Variants in PLCB4 observed in about 807,000 individuals in gnomAD.
PLCB4 encodes the protein 1-phosphatidylinositol 4,5-bisphosphate phosphodiesterase beta-4.
Under a neutral mutation model 178.8 loss-of-function variants are expected in PLCB4, and 77 were observed. The observed-to-expected ratio is 0.43, with a 90% CI of 0.36 to 0.52. PLCB4 has a LOEUF of 0.52. Among genes scored for constraint, PLCB4 ranks in the 20% least tolerant of loss-of-function variants. The pLI, the probability that PLCB4 is intolerant of heterozygous loss-of-function variation, is 0.00. For synonymous variants in PLCB4, 496 were observed against 490.8 expected, an observed-to-expected ratio of 1.01 and a Z score of -0.14; for missense variants, 1,024 against 1,453.4, an observed-to-expected ratio of 0.70 and a Z score of 4.80.
intron 3 of PLCB4, among the ~76,000 whole-genome samples, chr20:9,251,621 G>A (rs2094181324): frequency 6.6e-6 from 1 of 152,064 alleles, no homozygotes; most frequent in Admixed American, 6.6e-5. Context: ...AAAGGACTTT[G>A]TTCTTATGTG....
Position 9,194,977 on chromosome 20 carries a change from T to C in PLCB4, c.-78-22413T>C, listed in dbSNP as rs371659146. Among the ~76,000 whole-genome samples, 5 of 152,200 alleles carry C rather than the reference T, an allele frequency of 3.3e-5. No homozygotes were observed. In the East Asian group the frequency reaches 7.7e-4, roughly 23 times the overall value. ...ATGGATCAGACTGTAAGCTTTTACT[T>C]TACTAAGTGAGGCGATGGCAAGATT... On this transcript the variant is annotated intron_variant, in intron 2 of 39. Transcript: ENST00000378473.
intron 29 of PLCB4, 102 bp from the exon 30 acceptor site, chr20:9,436,900 G>A (rs566526388): frequency 1.9e-5 from 20 of 1,068,982 alleles, no homozygotes; most frequent in South Asian, 1.2e-4. Context: ...AGTCTAGGAA[G>A]AGTATGGTAG....
chr20:9,404,087 G>T (rs571310297), intron 20 of PLCB4, among the ~76,000 whole-genome samples: 11 of 152,242 alleles, frequency 7.2e-5, no homozygotes, highest in Admixed American at 3.3e-4. Flanking sequence ...TTTCTTTTTC[G>T]GATGAATGAA....
intron 28 of PLCB4, among the ~76,000 whole-genome samples, chr20:9,435,316 G>T (rs6140937): frequency 6.6e-6 from 1 of 152,150 alleles, no homozygotes; most frequent in African/African-American, 2.4e-5. Context: ...CTTCATATCA[G>T]GAAAAACTTT....
At chr20:9,268,908 C>T (rs747406286) in intron 3 of PLCB4, among the ~76,000 whole-genome samples, 5 of 152,152 alleles carry the variant, frequency 3.3e-5, no homozygotes, top group African/African-American at 7.2e-5. Flanking sequence ...GACCCTTATC[C>T]TCATTGTTGC....
intron 3 of PLCB4, among the ~76,000 whole-genome samples, chr20:9,282,781 G>A (rs1181591048): frequency 6.6e-6 from 1 of 152,004 alleles, no homozygotes; most frequent in Non-Finnish European, 1.5e-5. Context: ...GCTCAGGTTG[G>A]ATAACCTAGG....
intron 23 of PLCB4, 148 bp from the exon 24 acceptor site, chr20:9,408,909 C>T (rs763967757): frequency 2.6e-6 from 2 of 777,368 alleles, no homozygotes; most frequent in Non-Finnish European, 4.3e-6. Flanking sequence ...GAACTGTGAT[C>T]TTAAGCATCA....
chr20:9,305,677 T>A (rs1477125254), intron 3 of PLCB4, among the ~76,000 whole-genome samples: 2 of 152,194 alleles, frequency 1.3e-5, no homozygotes, highest in Non-Finnish European at 2.9e-5. Context: ...ATACATTAAA[T>A]TTTTCAGAGT....
At position 9,270,786 on chromosome 20, in the gene PLCB4, G is replaced by A. The variant is rs574208857; in HGVS notation, c.-15-37014G>A. 5.9e-5 allele frequency among the ~76,000 whole-genome samples: 9 copies of A among 151,982 alleles called. No homozygotes were observed. In the South Asian group the frequency reaches 1.7e-3, roughly 28 times the overall value. On this transcript the variant is annotated intron_variant, in intron 3 of 39. Coordinates refer to ENST00000378473, the MANE Select transcript of PLCB4 (RefSeq NM_001377142.1). ...ATAGATCAAGTATGCTACCTAGAAT[G>A]TACCAAGTGCCCATTTATGCCACCT...
chr20:9,371,061 T>A, intron 9 of PLCB4, 153 bp from the exon 10 acceptor site: 1 of 614,906 alleles, frequency 1.6e-6, no homozygotes, highest in Non-Finnish European at 2.9e-6. Context: ...GGAACTAGTT[T>A]GGGAAATGAA....
At chr20:9,294,251 G>A (rs2094609349) in intron 3 of PLCB4, among the ~76,000 whole-genome samples, 1 of 152,152 alleles carries the variant, frequency 6.6e-6, no homozygotes, top group African/African-American at 2.4e-5. Context: ...TTAAGTGACT[G>A]TGAAGTCTGC....
intron 33 of PLCB4, among the ~76,000 whole-genome samples, chr20:9,454,900 T>C (rs2042967464): frequency 6.6e-6 from 1 of 152,236 alleles, no homozygotes; most frequent in African/African-American, 2.4e-5. Context: ...GCCTTTTGTT[T>C]TCCCCGTAGG....
chr20:9,413,190 C>T (rs2039979224), intron 25 of PLCB4, among the ~76,000 whole-genome samples: 1 of 152,164 alleles, frequency 6.6e-6, no homozygotes. Context: ...CTTGCAGTGG[C>T]CCGGTGATGC....
At chr20:9,376,687 C>T (rs989058474) in intron 12 of PLCB4, among the ~76,000 whole-genome samples, 11 of 152,046 alleles carry the variant, frequency 7.2e-5, no homozygotes, top group African/African-American at 2.7e-4. Context: ...TAATGAGAAG[C>T]AAAATTGATT....
At chr20:9,392,943 G>A (rs951862478) in intron 17 of PLCB4, among the ~76,000 whole-genome samples, 2 of 152,108 alleles carry the variant, frequency 1.3e-5, no homozygotes, top group African/African-American at 4.8e-5. Flanking sequence ...GAGGAATGGG[G>A]AATGGAAGAC....
chr20:9,226,109 G>T (rs1238869502), intron 3 of PLCB4, among the ~76,000 whole-genome samples: 1 of 152,178 alleles, frequency 6.6e-6, no homozygotes, highest in East Asian at 1.9e-4. Flanking sequence ...GTTTGAGGAA[G>T]ACTCCAGAGG....
chr20:9,386,886 A>G (rs1466732992), intron 14 of PLCB4, among the ~76,000 whole-genome samples: 1 of 133,158 alleles, frequency 7.5e-6, no homozygotes, highest in Non-Finnish European at 1.6e-5. Flanking sequence ...CCCCAACCAA[A>G]TTGTCCTTTT....
chr20:9,079,690 A>G (rs6039376), intron 1 of PLCB4, among the ~76,000 whole-genome samples: 109,805 of 152,020 alleles, frequency 0.72, 40,009 homozygotes, highest in East Asian at 0.9. Flanking sequence ...AAAGCTTATG[A>G]TCTGGTTTTG....
At chr20:9,276,897 C>T (rs1486504182) in intron 3 of PLCB4, among the ~76,000 whole-genome samples, 1 of 151,970 alleles carries the variant, frequency 6.6e-6, no homozygotes, top group African/African-American at 2.4e-5. Flanking sequence ...TGATTGTAAT[C>T]CTGCACTCCA....
Sources: gnomAD v4.1 joint callset for allele counts (sites outside exome capture counted in the v4.1 genomes callset) on GRCh38, gnomAD v4.1.1 for gene constraint, MANE v1.5 for transcripts, NCBI Gene and HGNC (gene_info 2026-07-23, HGNC 2026-07-21) for gene names.